Variants in HECW1 observed in about 807,000 individuals in gnomAD.
The protein encoded by HECW1 is E3 ubiquitin-protein ligase HECW1.
HECW1 carries 61 observed loss-of-function variants against 182.3 expected under a neutral mutation model. The observed-to-expected ratio is 0.33, with a 90% CI of 0.27 to 0.41. The LOEUF is 0.41. Among genes scored for constraint, HECW1 ranks in the 10% least tolerant of loss-of-function variants. The pLI, the probability that HECW1 is intolerant of heterozygous loss-of-function variation, is 1.00. For missense variants in HECW1, 1,739 were observed against 2,108.9 expected (o/e 0.82, Z 3.44); for synonymous variants, 859 against 832.6 (o/e 1.03, Z -0.55).
intron 2 of HECW1, among the ~76,000 whole-genome samples, chr7:43,120,004 G>C (rs1785426309): frequency 6.6e-6 from 1 of 152,112 alleles, no homozygotes; most frequent in South Asian, 2.1e-4. Flanking sequence ...AACAAATACT[G>C]CCTAGACATC....
intron 5 of HECW1, among the ~76,000 whole-genome samples, chr7:43,338,078 T>C (rs1401104289): frequency 1.3e-5 from 2 of 152,196 alleles, no homozygotes; most frequent in Non-Finnish European, 2.9e-5. Flanking sequence ...GATTATTCTC[T>C]CCACTTAGAT....
At chr7:43,232,175 A>G (rs1197471789) in intron 2 of HECW1, among the ~76,000 whole-genome samples, 1 of 152,194 alleles carries the variant, frequency 6.6e-6, no homozygotes, top group African/African-American at 2.4e-5. Flanking sequence ...GACCTGGTTG[A>G]TTGGGATAGT....
Position 43,359,955 on chromosome 7 carries a change from T to C in HECW1, c.461-931T>C, listed in dbSNP as rs537231283. Among the ~76,000 whole-genome samples the C allele has an allele frequency of 4.6e-5, 7 of 152,320 alleles. No individual in the cohort carries two copies. In the South Asian group the frequency reaches 1.4e-3, roughly 32 times the overall value. ...CATGTTGGCTACAGATCTTGTCCTCTAGGGAACTAAATGCCAGAAGGAAAA... is the reference window on the plus strand; with the variant it reads ...CATGTTGGCTACAGATCTTGTCCTCCAGGGAACTAAATGCCAGAAGGAAAA... On this transcript the variant is annotated intron_variant, in intron 5 of 29. Transcript: ENST00000395891.
At chr7:43,424,840 T>C (rs927184062) in intron 8 of HECW1, among the ~76,000 whole-genome samples, 1 of 152,204 alleles carries the variant, frequency 6.6e-6, no homozygotes. Context: ...TCCCACATTT[T>C]CTGGGATTTT....
chr7:43,299,896 A>ACC (rs1436276132), intron 3 of HECW1, among the ~76,000 whole-genome samples: 9 of 152,340 alleles, frequency 5.9e-5, no homozygotes, highest in African/African-American at 2.2e-4. Context: ...TCCCCTGAAT[A>ACC]ATTGCTAATA....
intron 2 of HECW1, among the ~76,000 whole-genome samples, chr7:43,188,989 A>C (rs774348275): frequency 1.8e-4 from 27 of 152,196 alleles, no homozygotes; most frequent in South Asian, 4.1e-4. Context: ...TCCCTCTGCA[A>C]TACATCCTGA....
At position 43,550,589 on chromosome 7, in the gene HECW1, G is replaced by A. The variant is rs2081773849; in HGVS notation, c.4393G>A (p.Glu1465Lys). Reference sequence around the variant, plus strand: ...CGAGGCGCTGGTGCGCGGCTTCTACGAGGTGAGGCCCGGTGGCCTGGGGAA... The same window carrying A: ...CGAGGCGCTGGTGCGCGGCTTCTACAAGGTGAGGCCCGGTGGCCTGGGGAA... Reference protein sequence around the residue: ...QTEALVRGFYEVVDSRLVSVF... With the variant: ...QTEALVRGFYKVVDSRLVSVF... Residue 1465 changes from glutamate to lysine, a missense_variant and splice_region_variant, in exon 27 of 30, where the codon GAG (glutamate) becomes AAG (lysine). Transcript: ENST00000395891. 1 of 1,600,016 alleles carries A rather than the reference G, an allele frequency of 6.2e-7. No individual in the cohort carries two copies. The highest frequency in any genetic ancestry group is 8.5e-7 in the Non-Finnish European group (1 of 1,173,714).
intron 24 of HECW1, among the ~76,000 whole-genome samples, chr7:43,520,122 A>G (rs960552712): frequency 6.6e-6 from 1 of 152,206 alleles, no homozygotes; most frequent in Non-Finnish European, 1.5e-5. Flanking sequence ...GCATTCATCA[A>G]TGCACTATTC....
intron 2 of HECW1, among the ~76,000 whole-genome samples, chr7:43,190,303 G>A (rs1793791583): frequency 6.6e-6 from 1 of 152,098 alleles, no homozygotes; most frequent in Admixed American, 6.6e-5. Flanking sequence ...TAGTAGAGAT[G>A]GGGTTTTACC....
chr7:43,294,284 G>A (rs188559156), intron 3 of HECW1, among the ~76,000 whole-genome samples: 3 of 152,328 alleles, frequency 2.0e-5, no homozygotes, highest in East Asian at 1.9e-4. Context: ...TAAGAGCAAC[G>A]TGTACATCCA....
At chr7:43,264,688 C>CA (rs943846603) in intron 3 of HECW1, among the ~76,000 whole-genome samples, 6 of 151,956 alleles carry the variant, frequency 3.9e-5, no homozygotes, top group East Asian at 3.9e-4. Context: ...ACTAAAAATA[C>CA]AAAAAATTAG....
In HECW1 at chr7:43,170,850, C is replaced by T. The variant is rs373927625; in HGVS notation, c.-32+56459C>T. Among the ~76,000 whole-genome samples the T allele has an allele frequency of 1.7e-3, 261 of 152,230 alleles. 1 individual carries two copies. Among genetic ancestry groups the T allele is most frequent in the African/African-American group, 5.8e-3 (240 of 41,536 alleles). ...CCCAAGGAAATCAGAGTTGGCTGAG[C>T]TGAAAGTAGGGCGGAGCAGCACATG... On this transcript the variant is annotated intron_variant, in intron 2 of 29. Coordinates refer to ENST00000395891, the MANE Select transcript of HECW1 (RefSeq NM_015052.5).
intron 17 of HECW1, among the ~76,000 whole-genome samples, chr7:43,486,740 G>A (rs2078661996): frequency 6.6e-6 from 1 of 152,152 alleles, no homozygotes; most frequent in African/African-American, 2.4e-5. Context: ...ACATCGCTAT[G>A]TGGCACATCA....
intron 28 of HECW1, 46 bp downstream of exon 28, chr7:43,552,382 T>A: frequency 8.7e-7 from 1 of 1,155,322 alleles, no homozygotes; most frequent in Non-Finnish European, 1.3e-6. Flanking sequence ...CAAATAGAAC[T>A]CAGCACTTTC....
intron 2 of HECW1, among the ~76,000 whole-genome samples, chr7:43,187,848 A>T (rs1226662941): frequency 6.6e-6 from 1 of 152,146 alleles, no homozygotes; most frequent in East Asian, 1.9e-4. Flanking sequence ...CTCCTACCCC[A>T]AAACTACACT....
intron 5 of HECW1, among the ~76,000 whole-genome samples, chr7:43,329,947 A>G (rs140123249): frequency 4.6e-5 from 7 of 152,256 alleles, no homozygotes; most frequent in South Asian, 2.1e-4. Flanking sequence ...TGTTATTCTG[A>G]TATGCCTGTA....
intron 2 of HECW1, among the ~76,000 whole-genome samples, chr7:43,148,123 C>T (rs1788916456): frequency 6.6e-6 from 1 of 152,030 alleles, no homozygotes; most frequent in South Asian, 2.1e-4. Context: ...AATTCAACAT[C>T]TGTGAAGGAA....
intron 3 of HECW1, among the ~76,000 whole-genome samples, chr7:43,265,300 A>G (rs1353004772): frequency 6.6e-6 from 1 of 152,038 alleles, no homozygotes; most frequent in Non-Finnish European, 1.5e-5. Flanking sequence ...TGAAAGCTAC[A>G]CCTACTCTGC....
At chr7:43,470,485 T>C (rs2077975218) in intron 16 of HECW1, among the ~76,000 whole-genome samples, 1 of 152,122 alleles carries the variant, frequency 6.6e-6, no homozygotes, top group South Asian at 2.1e-4. Flanking sequence ...CCCAATGCAA[T>C]AAGCCCTAGT....
Sources: gnomAD v4.1 joint callset for allele counts (sites outside exome capture counted in the v4.1 genomes callset) on GRCh38, gnomAD v4.1.1 for gene constraint, MANE v1.5 for transcripts, NCBI Gene and HGNC (gene_info 2026-07-23, HGNC 2026-07-21) for gene names.